The following C9orf50 variants were observed in gnomAD, a reference collection of about 807,000 sequenced individuals.
C9orf50 encodes the protein uncharacterized protein C9orf50.
Under a neutral mutation model 42.5 loss-of-function variants are expected in C9orf50, and 33 were observed. The observed-to-expected ratio is 0.78, with a 90% CI of 0.59 to 1.04. The LOEUF is 1.04. Ranked by LOEUF, C9orf50 falls within the 50% of genes least tolerant of loss-of-function variation. The pLI is 0.00. For missense variants in C9orf50, 547 were observed against 594.3 expected (o/e 0.92, Z 0.83); for synonymous variants, 257 against 273.4 (o/e 0.94, Z 0.59).
At position 129,613,514 on chromosome 9, in the gene C9orf50, C is replaced by G; in HGVS notation, c.964G>C (p.Glu322Gln). 1.2e-6 allele frequency: 2 copies of G among 1,614,168 alleles called. No homozygotes were observed. The highest frequency in any genetic ancestry group is 1.7e-6 in the Non-Finnish European group (2 of 1,180,020). ...GGGTACAGGGCTTTGGGCAAACTCT[C>G]CAGCCGTTTTCCGACACTCCCAAAC... Residue 322 changes from glutamate to glutamine, a missense_variant, in exon 5 of 7, where the codon GAG (glutamate) becomes CAG (glutamine). Coordinates refer to ENST00000372478, the Ensembl canonical transcript of C9orf50. This position sits in a 1 kb window ranked among gnomAD's most constrained non-coding sequence, Gnocchi z 6.2.
At chr9:129,612,759 T>C (rs1465598919) in intron 6 of C9orf50, among the ~76,000 whole-genome samples, 1 of 151,982 alleles carries the variant, frequency 6.6e-6, no homozygotes, top group African/African-American at 2.4e-5. Context: ...GTGTCCCCAT[T>C]GCAGAGGTTG....
rs1830249474 is a variant in C9orf50, at chr9:129,614,443, A to G, written c.881-846T>C. Among the ~76,000 whole-genome samples the G allele has an allele frequency of 6.6e-6, 1 of 152,198 alleles. No individual in the cohort carries two copies. Among genetic ancestry groups the G allele is most frequent in the Admixed American group, 6.5e-5 (1 of 15,284 alleles). On this transcript the variant is annotated intron_variant, in intron 4 of 6. Transcript: ENST00000372478. This position sits in a 1 kb window ranked among gnomAD's most constrained non-coding sequence, Gnocchi z 4.4. ...GCAGACATTTCCTGAAACTGCACAT[A>G]GTGGGTGCTCAATAAACAGCTAGAG...
chr9:129,612,538 C>A, intron 6 of C9orf50, 84 bp from the exon 7 acceptor site: 1 of 1,054,038 alleles, frequency 9.5e-7, no homozygotes, highest in Non-Finnish European at 1.4e-6. Context: ...TGTGCTGAAG[C>A]CCTGTTGGGC....
rs1830160019 is a variant in C9orf50, at chr9:129,612,941, A to T, written c.1188+166T>A. Among the ~76,000 whole-genome samples, 3 of 152,080 alleles carry T rather than the reference A, an allele frequency of 2.0e-5. 1 individual carries two copies. Among genetic ancestry groups the T allele is most frequent in the Admixed American group, 2.0e-4 (3 of 15,272 alleles). On this transcript the variant is annotated intron_variant, in intron 6 of 6. Coordinates refer to ENST00000372478, the Ensembl canonical transcript of C9orf50. The stretch of plus-strand genomic sequence containing the variant: ...CCTTGACAGCTGCCCTTTGAGGGAG[A>T]TGCAGGAACACAGGGCGTGGCCACT...
In C9orf50 at chr9:129,613,363, A is replaced by G. The variant is rs2118853149; in HGVS notation, c.1043+72T>C. The G allele has an allele frequency of 6.3e-7, 1 of 1,582,270 alleles. No homozygotes were observed. Among genetic ancestry groups the G allele is most frequent in the East Asian group, 2.3e-5 (1 of 44,414 alleles). Reference sequence around the variant, plus strand: ...GCAACCCGCCTGCTGCTGGGTGGGGAGGTCTGTAGGCAAGGGGGGTGGAGG... The same window carrying G: ...GCAACCCGCCTGCTGCTGGGTGGGGGGGTCTGTAGGCAAGGGGGGTGGAGG... On this transcript the variant is annotated intron_variant, in intron 5 of 6. Coordinates refer to ENST00000372478, the Ensembl canonical transcript of C9orf50. This position sits in a 1 kb window ranked among gnomAD's most constrained non-coding sequence, Gnocchi z 6.2.
intron 3 of C9orf50, among the ~76,000 whole-genome samples, chr9:129,616,109 A>G (rs1830364540): frequency 1.3e-5 from 2 of 152,166 alleles, no homozygotes; most frequent in Non-Finnish European, 2.9e-5. Context: ...AATGGGAATC[A>G]TTGTGCCCAC....
exon 3 of C9orf50, chr9:129,619,599 T>C (rs755475346): frequency 6.2e-7 from 1 of 1,613,902 alleles, no homozygotes; most frequent in Non-Finnish European, 8.5e-7. Context: ...TGGAGCGAAA[T>C]CTTCGTAAGA....
chr9:129,613,321 C>A lies in C9orf50; in HGVS notation c.1044-70G>T. 1.3e-6 allele frequency: 2 copies of A among 1,565,296 alleles called. No individual in the cohort carries two copies. Among genetic ancestry groups the A allele is most frequent in the East Asian group, 2.3e-5 (1 of 44,294 alleles). ...CGGCCCACCCATGGCTGGCAGGGCC[C>A]TTGAGGACCCACACTGGCAACCCGC... On this transcript the variant is annotated intron_variant, in intron 5 of 6. Transcript: ENST00000372478. This position sits in a 1 kb window ranked among gnomAD's most constrained non-coding sequence, Gnocchi z 6.2.
In C9orf50 at chr9:129,620,711, GC is replaced by G; in HGVS notation, c.-138del. On this transcript the variant is annotated 5_prime_UTR_variant, in exon 1 of 7. Transcript: ENST00000372478. This position sits in a 1 kb window ranked among gnomAD's most constrained non-coding sequence, Gnocchi z 5.8. Reference sequence around the variant, plus strand: ...GCGCGGTGCGGGGTGAACGCCACCGGCCCGGCGGACAGCGAGTGGCTTCAGG... The same window carrying G: ...GCGCGGTGCGGGGTGAACGCCACCGGCCGGCGGACAGCGAGTGGCTTCAGG... 2.6e-6 allele frequency: 2 copies of G among 767,794 alleles called. No homozygotes were observed. Among genetic ancestry groups the G allele is most frequent in the Non-Finnish European group, 3.5e-6 (2 of 565,094 alleles). The allele number at this position is 767,794 out of a possible 1,614,324, so 47.6% of individuals were successfully genotyped here.
exon 3 of C9orf50, chr9:129,619,634 C>T: frequency 4.3e-6 from 7 of 1,613,962 alleles, no homozygotes; most frequent in Non-Finnish European, 4.2e-6. Flanking sequence ...CGATGACTGG[C>T]CCCTTAAAGA....
chr9:129,617,585 C>T (rs1034391722), intron 3 of C9orf50, among the ~76,000 whole-genome samples: 5 of 152,208 alleles, frequency 3.3e-5, no homozygotes, highest in African/African-American at 1.2e-4. Flanking sequence ...AGAATGAATT[C>T]CATACTTTTA....
At position 129,615,656 on chromosome 9, in the gene C9orf50, G is replaced by C; in HGVS notation, c.717-9C>G. On this transcript the variant is annotated splice_polypyrimidine_tract_variant and intron_variant, in intron 3 of 6. Coordinates refer to ENST00000372478, the Ensembl canonical transcript of C9orf50. ...GTGCACCGTGGGGCCTGCTGAGAGA[G>C]GGGAGAGGGGCCTGTGCTCGAAGCC... 6.5e-7 allele frequency: 1 copy of C among 1,536,820 alleles called. No homozygotes were observed. Among genetic ancestry groups the C allele is most frequent in the Non-Finnish European group, 8.7e-7 (1 of 1,147,272 alleles).
rs867030458 is a variant in C9orf50 at position 129,615,875 on chromosome 9, C to T, written c.717-228G>A. On this transcript the variant is annotated intron_variant, in intron 3 of 6. Transcript: ENST00000372478. ...CCAAATGCACACAGTCCCCATGAAA[C>T]GCTGTTATCATTCTCATTTTATAGT... Among the ~76,000 whole-genome samples the T allele has an allele frequency of 2.0e-4, 31 of 152,354 alleles. No individual in the cohort carries two copies. In the South Asian group the frequency reaches 2.1e-3, roughly 10 times the overall value.
Position 129,619,432 on chromosome 9 carries a change from A to C in C9orf50, c.716+88T>G, listed in dbSNP as rs1236447636. 1.3e-5 allele frequency: 12 copies of C among 927,234 alleles called. No individual in the cohort carries two copies. In the East Asian group the frequency reaches 2.9e-4, roughly 22 times the overall value. 57.4% of individuals were successfully genotyped at this position (927,234 alleles called of 1,614,324 possible). On this transcript the variant is annotated intron_variant, in intron 3 of 6. Coordinates refer to ENST00000372478, the Ensembl canonical transcript of C9orf50. ...GAATGGGTAGATAGGTGGATAAATGAATACATTCATGGGCGAAAGAGGAAA... is the reference window on the plus strand; with the variant it reads ...GAATGGGTAGATAGGTGGATAAATGCATACATTCATGGGCGAAAGAGGAAA...
chr9:129,615,336 G>C, intron 4 of C9orf50, 148 bp downstream of exon 4: 1 of 851,440 alleles, frequency 1.2e-6, no homozygotes. Context: ...CTCCAAGGAG[G>C]CCAGTTCAGG....
chr9:129,617,425 CTCG>C (rs1235283440), intron 3 of C9orf50, among the ~76,000 whole-genome samples: 3 of 152,228 alleles, frequency 2.0e-5, no homozygotes, highest in African/African-American at 7.2e-5. Context: ...AGCATCTTCA[CTCG>C]AGGGCCACTG....
Position 129,613,643 on chromosome 9 carries a change from A to G in C9orf50, c.881-46T>C, listed in dbSNP as rs1367264292. 6.2e-7 allele frequency: 1 copy of G among 1,609,014 alleles called. No homozygotes were observed. The highest frequency in any genetic ancestry group is 8.5e-7 in the Non-Finnish European group (1 of 1,177,022). ...TGAGATCTCTGCCCAGGAGGAGGGC[A>G]CTGGTGCCCCCACCCTCTTTTCCTC... is the stretch of plus-strand genomic sequence containing the variant. On this transcript the variant is annotated intron_variant, in intron 4 of 6. Coordinates refer to ENST00000372478, the Ensembl canonical transcript of C9orf50. This position sits in a 1 kb window ranked among gnomAD's most constrained non-coding sequence, Gnocchi z 6.2.
intron 1 of C9orf50, 24 bp from the exon 2 acceptor site, chr9:129,619,854 T>C (rs765235911): frequency 3.1e-6 from 5 of 1,611,578 alleles, no homozygotes; most frequent in Middle Eastern, 3.3e-4. Context: ...GAAACAGTTG[T>C]GAGCCTTGGC....
In C9orf50 at chr9:129,613,573, T is replaced by C. The variant is rs752343580; in HGVS notation, c.905A>G (p.Gln302Arg). 2 of 1,614,044 alleles carry C rather than the reference T, an allele frequency of 1.2e-6. No homozygotes were observed. The highest frequency in any genetic ancestry group is 2.7e-5 in the African/African-American group (2 of 74,936). ...GGACGCCACTGGCAGGGCGGCCTTC[T>C]GGTTCACAATGACGCTCTGTTGGAC... The change falls in exon 5 of 7, where the codon CAG (glutamine) becomes CGG (arginine). Residue 302 changes from glutamine to arginine, a missense_variant. Gln to Arg is a conservative substitution (Grantham distance 43). Transcript: ENST00000372478. The surrounding 1 kb of genome is among the most constrained non-coding windows in gnomAD (Gnocchi z 6.2).
Sources: gnomAD v4.1 joint callset for allele counts (sites outside exome capture counted in the v4.1 genomes callset) on GRCh38, gnomAD v4.1.1 for gene constraint, Gnocchi (gnomAD v3.1) non-coding constraint, MANE v1.5 for transcripts, NCBI Gene and HGNC (gene_info 2026-07-23, HGNC 2026-07-21) for gene names.